Variants in NAGK observed in about 807,000 individuals in gnomAD.
The protein encoded by NAGK is N-acetyl-D-glucosamine kinase.
NAGK carries 35 observed loss-of-function variants against 42.9 expected under a neutral mutation model. The observed-to-expected ratio is 0.82, with a 90% CI of 0.62 to 1.08. The LOEUF is 1.08. Among genes scored for constraint, NAGK ranks in the 50% least tolerant of loss-of-function variants. NAGK has a pLI of 0.00. For missense variants in NAGK, 446 were observed against 446.0 expected, an observed-to-expected ratio of 1.00 and a Z score of 0.00; for synonymous variants, 172 against 176.0, an observed-to-expected ratio of 0.98 and a Z score of 0.18.
chr2:71,078,019 G>A (rs3815614), intron 9 of NAGK, among the ~76,000 whole-genome samples: 22,677 of 152,238 alleles, frequency 0.15, 1,794 homozygotes, highest in East Asian at 0.22. Context: ...GCAGCCTTAT[G>A]CCAGGCAGTT....
intron 6 of NAGK, 43 bp downstream of exon 6, chr2:71,073,637 G>A (rs546919719): frequency 5.4e-6 from 8 of 1,469,192 alleles, no homozygotes; most frequent in African/African-American, 1.4e-5. Flanking sequence ...CTGGGGTAGG[G>A]CAGTGAAACA....
In NAGK at chr2:71,078,386, A is replaced by C; in HGVS notation, c.913A>C (p.Met305Leu). The C allele has an allele frequency of 1.2e-6, 2 of 1,614,118 alleles. No individual in the cohort carries two copies. Among genetic ancestry groups the C allele is most frequent in the Non-Finnish European group, 1.7e-6 (2 of 1,180,000 alleles). ...AQNFFSSFTL[M>L]KLRHSSALGG... ...GAACTTCTTCTCCAGCTTCACCCTG[A>C]TGAAGCTGAGGCACTCCTCCGCTCT... The change falls in exon 10 of 10, where the codon ATG (methionine) becomes CTG (leucine). Residue 305 changes from methionine (M) to leucine (L), a missense_variant. Transcript: ENST00000244204.
chr2:71,077,979 G>A (rs1672277097), intron 9 of NAGK, among the ~76,000 whole-genome samples: 1 of 152,252 alleles, frequency 6.6e-6, no homozygotes, highest in African/African-American at 2.4e-5. Flanking sequence ...ATTCTAGCTA[G>A]AAGAAAAGAG....
chr2:71,077,492 AACTCCCGCCTTCAGC>A, intron 8 of NAGK, 51 bp from the exon 9 acceptor site: 1 of 1,503,572 alleles, frequency 6.7e-7, no homozygotes, highest in Non-Finnish European at 9.1e-7. Context: ...GGTCATAGGA[AACTCCCGCCTTCAGC>A]ACTGGAGAGG....
rs1672072338 is a variant in NAGK, at chr2:71,072,819, T to C, written c.466+68T>C. On this transcript the variant is annotated intron_variant, in intron 5 of 9. Coordinates refer to ENST00000244204, the MANE Select transcript of NAGK (RefSeq NM_017567.6). Reference sequence around the variant, plus strand: ...CCTTCCTTCACTCCCTGTCTTTCTCTCCTTAGCCTTGGCTCACTGAGCCCT... The same window carrying C: ...CCTTCCTTCACTCCCTGTCTTTCTCCCCTTAGCCTTGGCTCACTGAGCCCT... 3 of 1,433,428 alleles carry C rather than the reference T, an allele frequency of 2.1e-6. No individual in the cohort carries two copies. In the East Asian group the frequency reaches 7.3e-5, roughly 35 times the overall value. The allele number at this position is 1,433,428 out of a possible 1,614,324, so 88.8% of individuals were successfully genotyped here.
upstream of NAGK, chr2:71,068,620 G>C: frequency 6.6e-7 from 1 of 1,525,588 alleles, no homozygotes; most frequent in Non-Finnish European, 8.8e-7. Context: ...GACAGCTGGA[G>C]GGAAGGAGGT....
At chr2:71,076,730 A>G (rs1672226680) in intron 8 of NAGK, 29 bp downstream of exon 8, 1 of 1,587,700 alleles carries the variant, frequency 6.3e-7, no homozygotes, top group South Asian at 1.1e-5. Context: ...GAAGGTGGGG[A>G]GCTGCTGGGT....
chr2:71,070,620 G>C lies in NAGK; in HGVS notation c.114+34G>C, dbSNP rs75589581. ...CACACTGAGGGGATCAGAGGGCTTG[G>C]TTCTGATTTTATTCTCTGTAATTCC... is the stretch of plus-strand genomic sequence containing the variant. On this transcript the variant is annotated intron_variant, in intron 2 of 9. Transcript: ENST00000244204. 6.1e-4 allele frequency: 975 copies of C among 1,607,524 alleles called. 14 individuals are homozygous for C. The East Asian group carries it at 0.019, about 31-fold the overall frequency.
At chr2:71,068,777 G>C (rs1217205994) in intron 1 of NAGK, 65 bp downstream of exon 1, 6 of 1,433,708 alleles carry the variant, frequency 4.2e-6, no homozygotes, top group Admixed American at 6.9e-5. Context: ...GGCCAGCCTG[G>C]CAAGCTGGTG....
chr2:71,072,835 A>C lies in NAGK; in HGVS notation c.466+84A>C, dbSNP rs772820844. 4 of 1,308,940 alleles carry C rather than the reference A, an allele frequency of 3.1e-6. No homozygotes were observed. The South Asian group carries it at 5.0e-5, about 16-fold the overall frequency. 81.1% of individuals were successfully genotyped at this position (1,308,940 alleles called of 1,614,324 possible). On this transcript the variant is annotated intron_variant, in intron 5 of 9. Coordinates refer to ENST00000244204, the MANE Select transcript of NAGK (RefSeq NM_017567.6). Reference sequence around the variant, plus strand: ...GTCTTTCTCTCCTTAGCCTTGGCTCACTGAGCCCTTGGGGCTTCCTGGGGA... The same window carrying C: ...GTCTTTCTCTCCTTAGCCTTGGCTCCCTGAGCCCTTGGGGCTTCCTGGGGA...
chr2:71,076,211 G>C (rs1193341403), intron 7 of NAGK: 1 of 185,296 alleles, frequency 5.4e-6, no homozygotes, highest in Non-Finnish European at 1.1e-5. Flanking sequence ...GTTGGTGGAG[G>C]GCACTGACAG....
rs145991956 is a variant in NAGK, at chr2:71,071,125, C to G, written c.213+286C>G. On this transcript the variant is annotated intron_variant, in intron 3 of 9. Transcript: ENST00000244204. The stretch of plus-strand genomic sequence containing the variant: ...ACCCTGTGTAGGTTACTCACCTTCT[C>G]TAAGCCTCAGTTTCCTCATTTGGAA... 1.7e-3 allele frequency: 743 copies of G among 428,686 alleles called. 7 individuals carry two copies. The highest frequency in any genetic ancestry group is 0.014 in the African/African-American group (696 of 50,380). 26.6% of individuals were successfully genotyped at this position (428,686 alleles called of 1,614,324 possible). A position where few individuals can be genotyped will look rare whatever the true frequency, so the allele number is the denominator to read the frequency against.
rs1379493531 is a variant in NAGK, at chr2:71,072,710, G to T, written c.425G>T (p.Gly142Val). 3 of 1,614,104 alleles carry T rather than the reference G, an allele frequency of 1.9e-6. No homozygotes were observed. The highest frequency in any genetic ancestry group is 1.1e-5 in the South Asian group (1 of 91,074). The change falls in exon 5 of 10, where the codon GGC becomes GTC. Residue 142 changes from glycine (G) to valine (V), a missense_variant. By Grantham distance (109) the Gly-to-Val change is moderately radical (BLOSUM62 -3). Coordinates refer to ENST00000244204, the MANE Select transcript of NAGK (RefSeq NM_017567.6). ...ATCAACCCTGATGGCTCCGAGAGTG[G>T]CTGCGGCGGCTGGGGCCATATGATG... is the stretch of plus-strand genomic sequence containing the variant. ...RLINPDGSES[G>V]CGGWGHMMGD...
intron 9 of NAGK, 146 bp downstream of exon 9, chr2:71,077,782 C>A: frequency 1.3e-6 from 1 of 773,220 alleles, no homozygotes; most frequent in Non-Finnish European, 2.1e-6. Context: ...CTAAGGCCCT[C>A]AACCTCATTC....
chr2:71,070,316 T>G, intron 1 of NAGK, 186 bp from the exon 2 acceptor site: 1 of 525,384 alleles, frequency 1.9e-6, no homozygotes, highest in Non-Finnish European at 3.5e-6. Flanking sequence ...GGAAGAGGAG[T>G]GAGAATTATG....
At chr2:71,073,354 G>C in intron 5 of NAGK, 128 bp from the exon 6 acceptor site, 1 of 525,334 alleles carries the variant, frequency 1.9e-6, no homozygotes, top group Non-Finnish European at 3.6e-6. Flanking sequence ...GCCACCCCTG[G>C]CTGGGAATCA....
intron 1 of NAGK, chr2:71,070,168 A>G: frequency 3.5e-6 from 1 of 289,572 alleles, no homozygotes; most frequent in Admixed American, 4.9e-5. Context: ...GGAGACTTTA[A>G]TAACTTTGGA....
At position 71,072,608 on chromosome 2, in the gene NAGK, G is replaced by A. The variant is rs542358630; in HGVS notation, c.356-33G>A. 26 of 1,574,148 alleles carry A rather than the reference G, an allele frequency of 1.7e-5. No individual in the cohort carries two copies. The South Asian group carries it at 2.3e-4, about 14-fold the overall frequency. On this transcript the variant is annotated intron_variant, in intron 4 of 9. Coordinates refer to ENST00000244204, the MANE Select transcript of NAGK (RefSeq NM_017567.6). ...AAGCTGTTGCTCTGTGCCAGGCCTC[G>A]GCCACACTGAGCCTCCTATTCCCTT...
At chr2:71,076,525 G>A (rs1672216760) in intron 7 of NAGK, 79 bp from the exon 8 acceptor site, 2 of 1,191,756 alleles carry the variant, frequency 1.7e-6, no homozygotes, top group South Asian at 1.4e-5. Context: ...TGGCTGCCTT[G>A]CAACAGAGAG....
Sources: gnomAD v4.1 joint callset for allele counts (sites outside exome capture counted in the v4.1 genomes callset) on GRCh38, gnomAD v4.1.1 for gene constraint, MANE v1.5 for transcripts, NCBI Gene and HGNC (gene_info 2026-07-23, HGNC 2026-07-21) for gene names.